Variants in METAP1D observed in about 807,000 individuals in gnomAD.
METAP1D encodes the protein methionine aminopeptidase 1D, mitochondrial.
METAP1D carries 31 observed loss-of-function variants against 40.5 expected under a neutral mutation model. The ratio of observed to expected loss-of-function variants is 0.77; its 90% CI spans 0.58 to 1.03. The LOEUF (loss-of-function observed/expected upper bound fraction) is 1.03. Ranked by LOEUF, METAP1D falls within the 50% of genes least tolerant of loss-of-function variation. The pLI, the probability that METAP1D is intolerant of heterozygous loss-of-function variation, is 0.00. For synonymous variants in METAP1D, 151 were observed against 146.4 expected, an observed-to-expected ratio of 1.03 and a Z score of -0.22; for missense variants, 411 against 420.7, an observed-to-expected ratio of 0.98 and a Z score of 0.20.
At chr2:172,079,838 C>T (rs1472549965) in intron 8 of METAP1D, among the ~76,000 whole-genome samples, 2 of 152,136 alleles carry the variant, frequency 1.3e-5, no homozygotes, top group African/African-American at 2.4e-5. Context: ...TTATTATCCA[C>T]GGGGTCCTAA....
At chr2:172,031,403 G>A (rs1031912373) in intron 1 of METAP1D, among the ~76,000 whole-genome samples, 1 of 152,102 alleles carries the variant, frequency 6.6e-6, no homozygotes, top group East Asian at 1.9e-4. Flanking sequence ...AGGGCTTTAG[G>A]TTGTAGGAAA....
At chr2:172,000,090 C>G in intron 1 of METAP1D, 81 bp downstream of exon 1, 4 of 1,216,596 alleles carry the variant, frequency 3.3e-6, no homozygotes, top group South Asian at 3.5e-5. Context: ...GGATGCGCAC[C>G]CGCGCTCAGA....
chr2:172,004,347 G>A (rs6746701), intron 1 of METAP1D, among the ~76,000 whole-genome samples: 64,722 of 151,270 alleles, frequency 0.43, 15,329 homozygotes, highest in Middle Eastern at 0.58. Flanking sequence ...AAATCGAGAC[G>A]GAGTCTTGCT....
In METAP1D at chr2:172,053,080, A is replaced by G. The variant is rs892537166; in HGVS notation, c.41-8418A>G. Among the ~76,000 whole-genome samples, 8 of 152,392 alleles carry G rather than the reference A, an allele frequency of 5.2e-5. No homozygotes were observed. In the East Asian group the frequency reaches 1.3e-3, roughly 26 times the overall value. ...GATTATAAAAATCAATAAAAGAGTT[A>G]TATCAAGTGATGCAGACTATTTAAT... On this transcript the variant is annotated intron_variant, in intron 1 of 9. Coordinates refer to ENST00000315796, the MANE Select transcript of METAP1D (RefSeq NM_199227.3).
chr2:172,059,822 G>A (rs1690093126), intron 1 of METAP1D, among the ~76,000 whole-genome samples: 2 of 152,094 alleles, frequency 1.3e-5, no homozygotes, highest in Admixed American at 1.3e-4. Flanking sequence ...AGACCAAGGC[G>A]GGCAGATTAC....
At chr2:172,033,500 C>T (rs888215875) in intron 1 of METAP1D, among the ~76,000 whole-genome samples, 4 of 151,796 alleles carry the variant, frequency 2.6e-5, no homozygotes, top group African/African-American at 9.7e-5. Context: ...ATTACAGGTG[C>T]CTGCCACCAT....
chr2:172,006,218 C>G (rs903929638), intron 1 of METAP1D, among the ~76,000 whole-genome samples: 2 of 148,628 alleles, frequency 1.3e-5, no homozygotes, highest in East Asian at 2.0e-4. Flanking sequence ...AAGTCTCGCT[C>G]TGTCACCCAG....
chr2:172,030,312 G>A (rs370444339), intron 1 of METAP1D, among the ~76,000 whole-genome samples: 2 of 151,716 alleles, frequency 1.3e-5, no homozygotes, highest in South Asian at 2.1e-4. Flanking sequence ...GGCTGGTCTC[G>A]AACTCCCGAT....
At chr2:172,054,215 T>G (rs1689948922) in intron 1 of METAP1D, among the ~76,000 whole-genome samples, 1 of 152,128 alleles carries the variant, frequency 6.6e-6, no homozygotes, top group Non-Finnish European at 1.5e-5. Flanking sequence ...GCAGCAACAT[T>G]CGTTATTTAA....
At chr2:172,003,240 A>C (rs1039021676) in intron 1 of METAP1D, among the ~76,000 whole-genome samples, 1 of 152,130 alleles carries the variant, frequency 6.6e-6, no homozygotes, top group African/African-American at 2.4e-5. Context: ...AGGGACTAAA[A>C]TACTCCCAAG....
chr2:172,058,214 C>T (rs561766571), intron 1 of METAP1D, among the ~76,000 whole-genome samples: 2 of 152,290 alleles, frequency 1.3e-5, no homozygotes, highest in African/African-American at 2.4e-5. Context: ...CCTCCCACCT[C>T]GACCTCCCAA....
chr2:172,014,552 G>T (rs958864760), intron 1 of METAP1D, among the ~76,000 whole-genome samples: 1 of 152,228 alleles, frequency 6.6e-6, no homozygotes. Flanking sequence ...TGTTTAAAAT[G>T]TGGCCTGTTC....
At chr2:172,018,532 A>G (rs1688932414) in intron 1 of METAP1D, among the ~76,000 whole-genome samples, 2 of 152,188 alleles carry the variant, frequency 1.3e-5, no homozygotes, top group Non-Finnish European at 2.9e-5. Flanking sequence ...CTCATACTCT[A>G]CAAAATGTAA....
intron 1 of METAP1D, among the ~76,000 whole-genome samples, chr2:172,037,705 A>T (rs1171233702): frequency 6.6e-6 from 1 of 152,212 alleles, no homozygotes; most frequent in Non-Finnish European, 1.5e-5. Flanking sequence ...CACTGGTTCC[A>T]TCTGGGTTCT....
At chr2:172,028,913 A>G (rs1689180576) in intron 1 of METAP1D, among the ~76,000 whole-genome samples, 1 of 152,154 alleles carries the variant, frequency 6.6e-6, no homozygotes, top group Admixed American at 6.6e-5. Flanking sequence ...TGTTACTTTA[A>G]TTATGTATTT....
At chr2:172,037,897 CTTG>C (rs576987162) in intron 1 of METAP1D, among the ~76,000 whole-genome samples, 83 of 152,302 alleles carry the variant, frequency 5.4e-4, no homozygotes, top group Middle Eastern at 3.4e-3. Context: ...CTTCCTTTCA[CTTG>C]TTGTAGAAGT....
intron 1 of METAP1D, among the ~76,000 whole-genome samples, chr2:172,023,957 C>G (rs1175611349): frequency 1.3e-5 from 2 of 151,638 alleles, no homozygotes; most frequent in Non-Finnish European, 2.9e-5. Context: ...TGGGTTCACG[C>G]CATTCCCCCA....
chr2:172,030,098 A>AT (rs963179627), intron 1 of METAP1D, among the ~76,000 whole-genome samples: 4 of 144,844 alleles, frequency 2.8e-5, no homozygotes, highest in Non-Finnish European at 3.0e-5. Context: ...TTATTTATTT[A>AT]TTTTTTTTGA....
intron 1 of METAP1D, among the ~76,000 whole-genome samples, chr2:172,038,931 AG>A (rs1476751623): frequency 1.3e-5 from 2 of 152,238 alleles, no homozygotes; most frequent in African/African-American, 4.8e-5. Context: ...AGCATCATCT[AG>A]TCACGCCAAT....
Sources: allele counts gnomAD v4.1 joint callset (sites outside exome capture counted in the v4.1 genomes callset), GRCh38; gene constraint gnomAD v4.1.1; transcripts MANE v1.5; gene names NCBI Gene and HGNC (gene_info 2026-07-23, HGNC 2026-07-21).